The following SHROOM4 variants were observed in gnomAD, a reference collection of about 807,000 sequenced individuals.
SHROOM4 encodes protein Shroom4.
Under a neutral mutation model 80.3 loss-of-function variants are expected in SHROOM4, and 17 were observed. The ratio of observed to expected loss-of-function variants is 0.21; its 90% CI spans 0.14 to 0.32. The LOEUF is 0.32. Ranked by LOEUF, SHROOM4 falls within the 10% of genes least tolerant of loss-of-function variation. SHROOM4 has a pLI of 1.00. For synonymous variants in SHROOM4, 400 were observed against 437.5 expected, an observed-to-expected ratio of 0.91 and a Z score of 1.07; for missense variants, 993 against 1,140.3, an observed-to-expected ratio of 0.87 and a Z score of 1.86.
intron 1 of SHROOM4, among the ~76,000 whole-genome samples, chrX:50,710,665 T>G (rs1242043608): frequency 1.8e-5 from 2 of 111,288 alleles, no homozygotes; most frequent in Non-Finnish European, 3.8e-5. Context: ...ATCTAAAAAG[T>G]TGAAATTATT....
At chrX:50,638,366 C>T in intron 2 of SHROOM4, 58 bp from the exon 3 acceptor site, 1 of 1,190,395 alleles carries the variant, frequency 8.4e-7, no homozygotes, top group Non-Finnish European at 1.1e-6. Flanking sequence ...AATCACTTCC[C>T]AGGCAGCTTC....
chrX:50,629,873 T>A (rs1930974091), intron 4 of SHROOM4, among the ~76,000 whole-genome samples: 1 of 110,579 alleles, frequency 9.0e-6, no homozygotes, highest in Admixed American at 9.7e-5. Flanking sequence ...AGTACCTGAG[T>A]CATCAGAGCG....
Position 50,716,291 on chromosome X carries a change from A to G in SHROOM4, c.118-20354T>C, listed in dbSNP as rs144195852. 5.0e-3 allele frequency among the ~76,000 whole-genome samples: 555 copies of G among 111,247 alleles called. 1 individual carries two copies. The highest frequency in any genetic ancestry group is 5.2e-3 in the Non-Finnish European group (278 of 53,047). On this transcript the variant is annotated intron_variant, in intron 1 of 8. Transcript: ENST00000376020. ...GGAATAAGTTCAAGAGATGTACAAC[A>G]TAGTGACTATAGTTAGAACAATGTA... is the stretch of plus-strand genomic sequence containing the variant.
chrX:50,727,972 G>A (rs1361473543), intron 1 of SHROOM4, among the ~76,000 whole-genome samples: 2 of 111,964 alleles, frequency 1.8e-5, no homozygotes, highest in Non-Finnish European at 3.8e-5. Context: ...ATATGGAGAA[G>A]TTTATGTCTG....
At chrX:50,732,962 C>T (rs1171291217) in intron 1 of SHROOM4, among the ~76,000 whole-genome samples, 1 of 112,097 alleles carries the variant, frequency 8.9e-6, no homozygotes, top group Non-Finnish European at 1.9e-5. Flanking sequence ...ACAAAGATAT[C>T]ACAAGAAACC....
chrX:50,622,431 T>C, intron 5 of SHROOM4, among the ~76,000 whole-genome samples: 1 of 112,431 alleles, frequency 8.9e-6, no homozygotes, highest in East Asian at 2.8e-4. Context: ...TATATCACAG[T>C]AATGTAGCTT....
intron 2 of SHROOM4, among the ~76,000 whole-genome samples, chrX:50,688,922 G>A (rs1001971377): frequency 1.8e-5 from 2 of 110,763 alleles, no homozygotes; most frequent in African/African-American, 3.3e-5. Context: ...TTATGATTAT[G>A]GATATTTGAA....
chrX:50,788,414 C>T (rs188096046), intron 1 of SHROOM4, among the ~76,000 whole-genome samples: 4 of 110,697 alleles, frequency 3.6e-5, no homozygotes, highest in African/African-American at 1.3e-4. Flanking sequence ...ATAAGACAGA[C>T]GAGACCACGG....
At chrX:50,757,964 C>A (rs1935072693) in intron 1 of SHROOM4, among the ~76,000 whole-genome samples, 2 of 111,287 alleles carry the variant, frequency 1.8e-5, no homozygotes, top group Admixed American at 9.6e-5. Flanking sequence ...TTAAGTCTTT[C>A]TTTTCTTTCA....
At chrX:50,676,377 T>C (rs1040275133) in intron 2 of SHROOM4, among the ~76,000 whole-genome samples, 3 of 110,620 alleles carry the variant, frequency 2.7e-5, no homozygotes, top group African/African-American at 9.8e-5. Flanking sequence ...AAGAATCAAA[T>C]ACACAGCTTA....
intron 1 of SHROOM4, among the ~76,000 whole-genome samples, chrX:50,767,283 TG>T (rs1303050258): frequency 1.8e-5 from 2 of 112,045 alleles, no homozygotes; most frequent in Non-Finnish European, 3.8e-5. Flanking sequence ...AATAATAGAA[TG>T]GCTAAGCAAA....
At position 50,635,350 on chromosome X, in the gene SHROOM4, C is replaced by T. The variant is rs1557255756; in HGVS notation, c.723G>A (p.Arg241=). 8.3e-7 allele frequency: 1 copy of T among 1,201,184 alleles called. No homozygotes were observed. The highest frequency in any genetic ancestry group is 1.8e-5 in the African/African-American group (1 of 57,081). The change falls in exon 4 of 9, where the codon CGG becomes CGA. Residue 241 remains arginine, a synonymous_variant. Coordinates refer to ENST00000376020, the MANE Select transcript of SHROOM4 (RefSeq NM_020717.5). ...PNVAETSGGS[R]RTNGGHLTPS... ...GGGTCAGGTGGCCCCCATTGGTGCGCCGACTACCTCCTGAGGTCTCAGCCA... is the reference window on the plus strand; with the variant it reads ...GGGTCAGGTGGCCCCCATTGGTGCGTCGACTACCTCCTGAGGTCTCAGCCA...
intron 1 of SHROOM4, among the ~76,000 whole-genome samples, chrX:50,787,496 T>C (rs1557271170): frequency 9.0e-6 from 1 of 110,929 alleles, no homozygotes; most frequent in African/African-American, 3.3e-5. Context: ...AAAAGCTTAT[T>C]CAAATAAATA....
chrX:50,700,209 TTTGTTTTTGTTTTA>T (rs1243615896), intron 1 of SHROOM4, among the ~76,000 whole-genome samples: 17 of 112,464 alleles, frequency 1.5e-4, no homozygotes, highest in Non-Finnish European at 2.8e-4. Context: ...TGTTTGTTTT[TTTGTTTTTGTTTTA>T]TTGTTTTTGC....
intron 1 of SHROOM4, among the ~76,000 whole-genome samples, chrX:50,740,810 A>G (rs60171058): frequency 0.066 from 7,359 of 112,201 alleles, 634 homozygotes; most frequent in African/African-American, 0.23. Context: ...ATGCAAATAT[A>G]CAAAATTAAA....
intron 2 of SHROOM4, among the ~76,000 whole-genome samples, chrX:50,655,610 T>C (rs1356660276): frequency 9.7e-6 from 1 of 102,665 alleles, no homozygotes; most frequent in African/African-American, 4.1e-5. Flanking sequence ...TCTTTATTCA[T>C]CATAAAGAAT....
chrX:50,812,830 C>T (rs897288453), intron 1 of SHROOM4, among the ~76,000 whole-genome samples: 2 of 112,067 alleles, frequency 1.8e-5, no homozygotes, highest in African/African-American at 3.2e-5. Flanking sequence ...ACATCTACAA[C>T]TTCAACTGCC....
At position 50,674,626 on chromosome X, in the gene SHROOM4, A is replaced by C. The variant is rs782001332; in HGVS notation, c.269+21160T>G. Among the ~76,000 whole-genome samples the C allele has an allele frequency of 1.2e-4, 13 of 111,984 alleles. No individual in the cohort carries two copies. The East Asian group carries it at 3.4e-3, about 29-fold the overall frequency. ...AGAGGTAATGTAAATGTAAAACTAT[A>C]AATATTTTAGAAAAAAATAGGAGAA... On this transcript the variant is annotated intron_variant, in intron 2 of 8. Coordinates refer to ENST00000376020, the MANE Select transcript of SHROOM4 (RefSeq NM_020717.5).
At chrX:50,805,906 A>C in intron 1 of SHROOM4, among the ~76,000 whole-genome samples, 1 of 110,938 alleles carries the variant, frequency 9.0e-6, no homozygotes, top group Non-Finnish European at 1.9e-5. Flanking sequence ...TATCAACCTC[A>C]ACTCTGTGAG....
Sources: gnomAD v4.1 joint callset for allele counts (sites outside exome capture counted in the v4.1 genomes callset) on GRCh38, gnomAD v4.1.1 for gene constraint, MANE v1.5 for transcripts, NCBI Gene and HGNC (gene_info 2026-07-23, HGNC 2026-07-21) for gene names.